DDX11: variants seen among roughly 807,000 people sequenced by gnomAD.
The protein encoded by DDX11 is ATP-dependent DNA helicase DDX11.
In DDX11, 72 loss-of-function variants were observed where a neutral mutation model predicts 125.2. The ratio of observed to expected loss-of-function variants is 0.58; its 90% CI spans 0.48 to 0.70. DDX11 has a LOEUF of 0.70. Among genes scored for constraint, DDX11 ranks in the 30% least tolerant of loss-of-function variants. The pLI is 0.00. For missense variants in DDX11, 883 were observed against 1,165.0 expected (o/e 0.76, Z 3.52); for synonymous variants, 347 against 452.6 (o/e 0.77, Z 2.96).
intron 2 of DDX11, among the ~76,000 whole-genome samples, chr12:31,083,351 C>G (rs1430496824): frequency 2.6e-5 from 4 of 151,246 alleles, no homozygotes. Flanking sequence ...ACCGTAAGCA[C>G]TGGCGCTCAT....
At chr12:31,084,881 G>T in intron 4 of DDX11, 88 bp from the exon 5 acceptor site, 3 of 1,501,546 alleles carry the variant, frequency 2.0e-6, no homozygotes, top group Non-Finnish European at 2.7e-6. Flanking sequence ...TGAATGGGGC[G>T]TGGTGTGCTT....
rs577253047 is a variant in DDX11, at chr12:31,094,759, G to A, written c.1419G>A (p.Thr473=). 137 of 1,612,366 alleles carry A rather than the reference G, an allele frequency of 8.5e-5. No homozygotes were observed. The South Asian group carries it at 1.3e-3, about 15-fold the overall frequency. ...PNTQSLSQTG[T]ELKTINDFLF... ...CCTTCATGTGTTTGTTCTCAGGGAC[G>A]GAGCTGAAGACCATCAACGACTTTC... is the stretch of plus-strand genomic sequence containing the variant. The change falls in exon 14 of 27, where the codon ACG becomes ACA. Residue 473 remains threonine (T), a synonymous_variant. Transcript: ENST00000542838.
intron 1 of DDX11, among the ~76,000 whole-genome samples, chr12:31,075,896 C>G (rs1389609568): frequency 2.0e-5 from 3 of 152,098 alleles, no homozygotes; most frequent in African/African-American, 7.2e-5. Context: ...TTAAAAGTGA[C>G]TTAGAGCAAG....
At chr12:31,088,080 C>T (rs1433807441) in intron 6 of DDX11, 97 bp downstream of exon 6, 2 of 1,539,434 alleles carry the variant, frequency 1.3e-6, no homozygotes, top group African/African-American at 2.7e-5. Flanking sequence ...ACTTCTCACC[C>T]TCCTCTCCAC....
intron 3 of DDX11, 98 bp from the exon 4 acceptor site, chr12:31,084,485 C>T (rs1376776238): frequency 1.9e-6 from 2 of 1,068,054 alleles, no homozygotes; most frequent in East Asian, 5.2e-5. Flanking sequence ...GAGAGATGCC[C>T]CCAGTGAGGA....
rs376049265 is a variant in DDX11 at position 31,091,891 on chromosome 12, C to T, written c.1242+20C>T. ...TCCCAGGTGTGTGGGCCTCCCCTCCCCGGGCCAGGGCCTGCTGTGACGTAA... is the reference window on the plus strand; with the variant it reads ...TCCCAGGTGTGTGGGCCTCCCCTCCTCGGGCCAGGGCCTGCTGTGACGTAA... On this transcript the variant is annotated intron_variant, in intron 10 of 26. Transcript: ENST00000542838. 25 of 1,613,796 alleles carry T rather than the reference C, an allele frequency of 1.5e-5. No homozygotes were observed. The highest frequency in any genetic ancestry group is 1.7e-4 in the Middle Eastern group (1 of 6,054).
rs774754044 is a variant in DDX11, at chr12:31,084,078, C to T, written c.393+17C>T. On this transcript the variant is annotated intron_variant, in intron 3 of 26. Coordinates refer to ENST00000542838, the MANE Select transcript of DDX11 (RefSeq NM_030653.4). Reference sequence around the variant, plus strand: ...CGACTAAAGGTGAGACCTGGGGTATCCGGAAGTGGGAGTACTGGAGGAAAC... The same window carrying T: ...CGACTAAAGGTGAGACCTGGGGTATTCGGAAGTGGGAGTACTGGAGGAAAC... 1.9e-6 allele frequency: 3 copies of T among 1,613,616 alleles called. No homozygotes were observed. Among genetic ancestry groups the T allele is most frequent in the South Asian group, 2.2e-5 (2 of 90,898 alleles).
chr12:31,102,775 A>G (rs1052715195), intron 23 of DDX11, 161 bp from the exon 24 acceptor site: 2 of 760,588 alleles, frequency 2.6e-6, no homozygotes, highest in African/African-American at 1.7e-5. Context: ...TCTCAGCCGA[A>G]CAAGCCCTCT....
At chr12:31,096,486 C>T (rs916997078) in intron 15 of DDX11, 107 bp downstream of exon 15, 10 of 1,604,648 alleles carry the variant, frequency 6.2e-6, no homozygotes, top group African/African-American at 2.7e-5. Context: ...GAGTCCCCTT[C>T]GTCTCCACTC....
At chr12:31,099,029 C>A (rs1286328600) in intron 18 of DDX11, among the ~76,000 whole-genome samples, 3 of 147,592 alleles carry the variant, frequency 2.0e-5, no homozygotes, top group Non-Finnish European at 3.0e-5. Context: ...TTTTGGTAGA[C>A]AGATCTAGGA....
At position 31,093,733 on chromosome 12, in the gene DDX11, A is replaced by AAAAAGAAAAAG. The variant is rs1944692640; in HGVS notation, c.1369+413_1369+414insGAAAAAGAAAA. On this transcript the variant is annotated intron_variant, in intron 12 of 26. Coordinates refer to ENST00000542838, the MANE Select transcript of DDX11 (RefSeq NM_030653.4). ...GAGAATCAGTCTCAAAAAAAAAAAAAAAAAAAAAAAAGAAGGGTCTTGGTC... is the reference window on the plus strand; with the variant it reads ...GAGAATCAGTCTCAAAAAAAAAAAAAAAAAGAAAAAGAAAAAAAAAAAGAAGGGTCTTGGTC... 4 of 208,582 alleles carry AAAAAGAAAAAG rather than the reference A, an allele frequency of 1.9e-5. No homozygotes were observed. In the Admixed American group the frequency reaches 2.5e-4, roughly 13 times the overall value. 12.9% of individuals were successfully genotyped at this position (208,582 alleles called of 1,614,324 possible).
At chr12:31,077,996 CA>C in intron 1 of DDX11, 2 of 358,366 alleles carry the variant, frequency 5.6e-6, no homozygotes, top group Middle Eastern at 1.0e-3. Context: ...ATGTGCATTG[CA>C]GAGACGTGGG....
intron 12 of DDX11, 73 bp downstream of exon 12, chr12:31,093,397 C>G: frequency 6.3e-7 from 1 of 1,581,332 alleles, no homozygotes; most frequent in Non-Finnish European, 8.7e-7. Flanking sequence ...GGATGCCCAT[C>G]AGGACACCTC....
Position 31,104,331 on chromosome 12 carries a change from G to A in DDX11, c.*495G>A, listed in dbSNP as rs1946895954. On this transcript the variant is annotated 3_prime_UTR_variant, in exon 27 of 27. Transcript: ENST00000542838. ...CCACAGGGCTCCTGCCCAGGGGCTT[G>A]TCACCTTCCCCTCCTCCTTCCTGAG... 2 of 385,216 alleles carry A rather than the reference G, an allele frequency of 5.2e-6. No individual in the cohort carries two copies. Among genetic ancestry groups the A allele is most frequent in the Non-Finnish European group, 9.4e-6 (2 of 213,444 alleles). 23.9% of individuals were successfully genotyped at this position (385,216 alleles called of 1,614,324 possible). A position where few individuals can be genotyped will look rare whatever the true frequency, so the allele number is the denominator to read the frequency against.
intron 1 of DDX11, among the ~76,000 whole-genome samples, chr12:31,074,913 C>T (rs1399745361): frequency 6.6e-6 from 1 of 152,188 alleles, no homozygotes; most frequent in Non-Finnish European, 1.5e-5. Flanking sequence ...TTCTCACAGT[C>T]CCAGAGGCTT....
At chr12:31,100,971 G>T in intron 19 of DDX11, 56 bp from the exon 20 acceptor site, 1 of 1,484,074 alleles carries the variant, frequency 6.7e-7, no homozygotes, top group Admixed American at 1.7e-5. Flanking sequence ...CCTCTCTGCA[G>T]TGTCTTGCAG....
chr12:31,088,426 A>G (rs1161844244), intron 6 of DDX11, among the ~76,000 whole-genome samples: 2 of 152,102 alleles, frequency 1.3e-5, no homozygotes, highest in East Asian at 3.9e-4. Flanking sequence ...TAGGACAGAC[A>G]TGAGTCCCCT....
At position 31,096,965 on chromosome 12, in the gene DDX11, C is replaced by T. The variant is rs755996490; in HGVS notation, c.1737C>T (p.Asp579=). The part of the protein sequence containing the change: ...FLAALTTANQ[D]GRVILSRQGS... ...CAGCTCTCACTACGGCCAACCAGGA[C>T]GGCAGGGTCATCCTGAGCCGCCAAG... Residue 579 remains aspartate (D), a synonymous_variant, in exon 17 of 27, where the codon GAC becomes GAT. Transcript: ENST00000542838. 8.7e-6 allele frequency: 14 copies of T among 1,613,710 alleles called. No homozygotes were observed. Among genetic ancestry groups the T allele is most frequent in the Admixed American group, 5.0e-5 (3 of 59,972 alleles).
chr12:31,093,074 G>A (rs1392015328), intron 11 of DDX11, among the ~76,000 whole-genome samples, 171 bp from the exon 12 acceptor site: 1 of 151,924 alleles, frequency 6.6e-6, no homozygotes, highest in African/African-American at 2.4e-5. Flanking sequence ...GAAGGCTGGG[G>A]ACTGACCGCT....
Sources: allele counts gnomAD v4.1 joint callset (sites outside exome capture counted in the v4.1 genomes callset), GRCh38; gene constraint gnomAD v4.1.1; transcripts MANE v1.5; gene names NCBI Gene and HGNC (gene_info 2026-07-23, HGNC 2026-07-21).